Variants in STRN observed in about 807,000 individuals in gnomAD.
STRN encodes the protein protein phosphatase 2 regulatory subunit B'''alpha.
STRN carries 53 observed loss-of-function variants against 96.3 expected under a neutral mutation model. That is an observed-to-expected ratio of 0.55 (90% CI 0.44 to 0.69). The LOEUF (loss-of-function observed/expected upper bound fraction) is 0.69. STRN is among the 30% of genes least tolerant of loss of function. The probability of loss-of-function intolerance (pLI) is 0.00; values close to 1 mark genes in which losing one functional copy is unlikely to be tolerated. For missense variants in STRN, 987 were observed against 963.9 expected (o/e 1.02, Z -0.32); for synonymous variants, 428 against 355.9 (o/e 1.20, Z -2.28).
At position 36,845,217 on chromosome 2, in the gene STRN, C is replaced by G. The variant is rs1017375475; in HGVS notation, c.*4239G>C. 5 of 152,134 alleles carry G rather than the reference C, an allele frequency of 3.3e-5. No individual in the cohort carries two copies. Among genetic ancestry groups the G allele is most frequent in the African/African-American group, 9.7e-5 (4 of 41,448 alleles). The allele number at this position is 152,134 out of a possible 1,614,324, so 9.4% of individuals were successfully genotyped here. On this transcript the variant is annotated 3_prime_UTR_variant, in exon 18 of 18. Coordinates refer to ENST00000263918, the MANE Select transcript of STRN (RefSeq NM_003162.4). Reference sequence around the variant, plus strand: ...ACCAACCAAAGATTCATTATCTCCACTCGCTAAAAACATTGATGGTTAATT... The same window carrying G: ...ACCAACCAAAGATTCATTATCTCCAGTCGCTAAAAACATTGATGGTTAATT...
intron 7 of STRN, among the ~76,000 whole-genome samples, chr2:36,887,285 A>ATAAATAAATAAG (rs1669262217): frequency 6.7e-6 from 1 of 148,550 alleles, no homozygotes. Context: ...AAATAAATAA[A>ATAAATAAATAAG]TAAATAAATA....
At chr2:36,957,503 G>A (rs966606945) in intron 1 of STRN, among the ~76,000 whole-genome samples, 7 of 151,980 alleles carry the variant, frequency 4.6e-5, no homozygotes, top group Admixed American at 6.6e-5. Flanking sequence ...CACAAGAATC[G>A]CTGGAACCTG....
chr2:36,851,034 T>C lies in STRN; in HGVS notation c.2052A>G (p.Glu684=). 1 of 1,613,516 alleles carries C rather than the reference T, an allele frequency of 6.2e-7. No individual in the cohort carries two copies. Residue 684 remains glutamate, a synonymous_variant, in exon 16 of 18, where the codon GAA becomes GAG. Coordinates refer to ENST00000263918, the MANE Select transcript of STRN (RefSeq NM_003162.4). Reference sequence around the variant, plus strand: ...TATCATAGAATTTGATGTGCCTGTCTTCATGAGCAGTGATGCTGATCGGAA... The same window carrying C: ...TATCATAGAATTTGATGTGCCTGTCCTCATGAGCAGTGATGCTGATCGGAA... ...PTLPISITAH[E]DRHIKFYDNN...
chr2:36,862,705 T>G (rs1009490376), intron 12 of STRN, among the ~76,000 whole-genome samples: 1 of 152,112 alleles, frequency 6.6e-6, no homozygotes, highest in South Asian at 2.1e-4. Flanking sequence ...TCTGTTCACG[T>G]CCTTTGCCCA....
At chr2:36,860,139 GGCTTAATTAAGAT>G (rs1304534696) in intron 13 of STRN, among the ~76,000 whole-genome samples, 3 of 152,186 alleles carry the variant, frequency 2.0e-5, no homozygotes. Context: ...AGGAGGGTAA[GGCTTAATTAAGAT>G]GCAAGAGAAC....
chr2:36,935,366 C>CT (rs1253736906), intron 1 of STRN, among the ~76,000 whole-genome samples: 11 of 152,128 alleles, frequency 7.2e-5, no homozygotes, highest in Admixed American at 5.2e-4. Flanking sequence ...CTTTATGAGA[C>CT]TTATATTAAT....
At chr2:36,882,935 AAAAG>A (rs1350380454) in intron 9 of STRN, among the ~76,000 whole-genome samples, 3 of 152,220 alleles carry the variant, frequency 2.0e-5, no homozygotes, top group African/African-American at 7.2e-5. Context: ...CCTTGTGTCT[AAAAG>A]AAAGAACTGT....
chr2:36,872,078 T>A (rs1010829608), intron 10 of STRN, among the ~76,000 whole-genome samples: 2 of 152,218 alleles, frequency 1.3e-5, no homozygotes, highest in Non-Finnish European at 2.9e-5. Flanking sequence ...CGTCTTAATG[T>A]GGTAGGCAGC....
At chr2:36,871,600 T>C (rs962869128) in intron 10 of STRN, among the ~76,000 whole-genome samples, 3 of 152,170 alleles carry the variant, frequency 2.0e-5, no homozygotes, top group African/African-American at 7.2e-5. Flanking sequence ...TACTACTTAT[T>C]TACAAAAGAC....
chr2:36,891,125 G>A (rs1484397733), intron 7 of STRN, among the ~76,000 whole-genome samples: 1 of 152,186 alleles, frequency 6.6e-6, no homozygotes, highest in Admixed American at 6.5e-5. Flanking sequence ...TGCTCAAAAA[G>A]TTTCAGAATT....
chr2:36,910,301 G>C (rs999756661), intron 3 of STRN, among the ~76,000 whole-genome samples: 2 of 151,862 alleles, frequency 1.3e-5, no homozygotes, highest in African/African-American at 2.4e-5. Flanking sequence ...TGGAAACACA[G>C]ATCTACACAA....
rs759764318 is a variant in STRN, at chr2:36,838,235, G to C, written c.*11221C>G. Among the ~76,000 whole-genome samples, 1 of 152,222 alleles carries C rather than the reference G, an allele frequency of 6.6e-6. No individual in the cohort carries two copies. The highest frequency in any genetic ancestry group is 1.5e-5 in the Non-Finnish European group (1 of 68,040). ...AACCTCTAAAGGATCAGATTTGACA[G>C]TCAGCTAGGAGACAGGGACCTCCAT... On this transcript the variant is annotated 3_prime_UTR_variant, in exon 18 of 18. Coordinates refer to ENST00000263918, the MANE Select transcript of STRN (RefSeq NM_003162.4).
At chr2:36,935,111 T>G (rs1273343075) in intron 1 of STRN, among the ~76,000 whole-genome samples, 1 of 152,144 alleles carries the variant, frequency 6.6e-6, no homozygotes, top group African/African-American at 2.4e-5. Context: ...ATTTTATATT[T>G]TTAAAAAAAT....
At position 36,857,878 on chromosome 2, in the gene STRN, T is replaced by C. The variant is rs752740613; in HGVS notation, c.1815A>G (p.Leu605=). ...LWNTTEVAPA[L]SVFNDTKELG... is the part of the protein sequence containing the mutation. ...TACCTTTAGTATCATTAAATACACT[T>C]AGTGCTGGAGCAACCTCAGTTGTAT... Residue 605 remains leucine, a synonymous_variant, in exon 14 of 18, where the codon CTA becomes CTG. Transcript: ENST00000263918. 4 of 1,613,860 alleles carry C rather than the reference T, an allele frequency of 2.5e-6. No homozygotes were observed. Among genetic ancestry groups the C allele is most frequent in the African/African-American group, 1.3e-5 (1 of 74,916 alleles).
chr2:36,841,964 T>C lies in STRN; in HGVS notation c.*7492A>G, dbSNP rs1309857844. 2 of 152,212 alleles carry C rather than the reference T, an allele frequency of 1.3e-5. No homozygotes were observed. The highest frequency in any genetic ancestry group is 2.9e-5 in the Non-Finnish European group (2 of 68,046). 9.4% of individuals were successfully genotyped at this position (152,212 alleles called of 1,614,324 possible). On this transcript the variant is annotated 3_prime_UTR_variant, in exon 18 of 18. Coordinates refer to ENST00000263918, the MANE Select transcript of STRN (RefSeq NM_003162.4). ...TTCTCCTTTTTGGTAAGGTACTTCT[T>C]TCCCCACACTCTCACCCAAGTTATC...
chr2:36,892,424 A>G (rs1484099201), intron 7 of STRN, among the ~76,000 whole-genome samples: 1 of 152,232 alleles, frequency 6.6e-6, no homozygotes, highest in Non-Finnish European at 1.5e-5. Context: ...TGAAAGTTGA[A>G]AAAGAAAAAA....
intron 7 of STRN, among the ~76,000 whole-genome samples, chr2:36,892,819 G>C (rs951600313): frequency 3.9e-5 from 6 of 152,130 alleles, no homozygotes; most frequent in African/African-American, 7.2e-5. Context: ...TTAGGAATTC[G>C]AGACCAGCCT....
intron 13 of STRN, among the ~76,000 whole-genome samples, chr2:36,860,773 C>T (rs1572628136): frequency 6.6e-6 from 1 of 152,236 alleles, no homozygotes; most frequent in South Asian, 2.1e-4. Flanking sequence ...ATTCATTTTC[C>T]TTAAAAGTTG....
chr2:36,895,636 G>A (rs1180078474), intron 6 of STRN, among the ~76,000 whole-genome samples: 1 of 151,916 alleles, frequency 6.6e-6, no homozygotes, highest in Non-Finnish European at 1.5e-5. Flanking sequence ...TCTGGGCCAG[G>A]TACGGTGGCT....
Sources: allele counts gnomAD v4.1 joint callset (sites outside exome capture counted in the v4.1 genomes callset), GRCh38; gene constraint gnomAD v4.1.1; transcripts MANE v1.5; gene names NCBI Gene and HGNC (gene_info 2026-07-23, HGNC 2026-07-21).